Variants in ALPK1 observed in about 807,000 individuals in gnomAD.
ALPK1 encodes the protein alpha kinase 1.
In ALPK1, 110 loss-of-function variants were observed where a neutral mutation model predicts 120.6. The ratio of observed to expected loss-of-function variants is 0.91; its 90% confidence interval spans 0.78 to 1.07. The LOEUF is 1.07. Among genes scored for constraint, ALPK1 ranks in the 50% least tolerant of loss-of-function variants. The pLI is 0.00. For missense variants in ALPK1, 1,498 were observed against 1,483.9 expected (o/e 1.01, Z -0.16); for synonymous variants, 582 against 560.3 (o/e 1.04, Z -0.55).
intron 12 of ALPK1, among the ~76,000 whole-genome samples, chr4:112,435,821 C>G (rs1474755733): frequency 6.6e-6 from 1 of 152,146 alleles, no homozygotes; most frequent in Non-Finnish European, 1.5e-5. Flanking sequence ...AAAGCTACAC[C>G]CAGAAGGGAA....
rs528055771 is a variant in ALPK1 at position 112,350,619 on chromosome 4, C to T, written c.-100-27059C>T. Reference sequence around the variant, plus strand: ...ACTCTTGCTGAGTTTTTCTCCAGACCTCTGGTACCATTTAGTGGAAAGCAA... The same window carrying T: ...ACTCTTGCTGAGTTTTTCTCCAGACTTCTGGTACCATTTAGTGGAAAGCAA... On this transcript the variant is annotated intron_variant, in intron 2 of 15. Coordinates refer to ENST00000650871, the MANE Select transcript of ALPK1 (RefSeq NM_025144.4). Among the ~76,000 whole-genome samples, 293 of 152,228 alleles carry T rather than the reference C, an allele frequency of 1.9e-3. 1 individual carries two copies. Among genetic ancestry groups the T allele is most frequent in the South Asian group, 0.017 (83 of 4,828 alleles).
intron 3 of ALPK1, among the ~76,000 whole-genome samples, chr4:112,380,749 T>C (rs938640863): frequency 5.3e-5 from 8 of 152,232 alleles, no homozygotes; most frequent in African/African-American, 1.9e-4. Flanking sequence ...GAACCTTGTC[T>C]TTTAATCATA....
chr4:112,428,450 C>CT, intron 9 of ALPK1, among the ~76,000 whole-genome samples: 1 of 152,182 alleles, frequency 6.6e-6, no homozygotes, highest in Admixed American at 6.5e-5. Flanking sequence ...AGCAAAAGAA[C>CT]ACATACAGCT....
chr4:112,415,132 G>T (rs1448591637), intron 5 of ALPK1: 1 of 152,192 alleles, frequency 6.6e-6, no homozygotes, highest in East Asian at 1.9e-4. Flanking sequence ...TCTCAACTCT[G>T]TGCCGAATTT....
chr4:112,400,255 A>G (rs1250012417), intron 4 of ALPK1, among the ~76,000 whole-genome samples: 1 of 152,196 alleles, frequency 6.6e-6, no homozygotes, highest in Non-Finnish European at 1.5e-5. Context: ...GATATAATGT[A>G]AAGAAGGATG....
At position 112,359,944 on chromosome 4, in the gene ALPK1, G is replaced by T. The variant is rs142634775; in HGVS notation, c.-100-17734G>T. The stretch of plus-strand genomic sequence containing the variant: ...ACTTAAAATCTACTCTTAGCAATTT[G>T]CAAGCATACAATATAATTATTTTCA... On this transcript the variant is annotated intron_variant, in intron 2 of 15. Transcript: ENST00000650871. 4.2e-4 allele frequency: 71 copies of T among 169,408 alleles called. 1 individual carries two copies. In the East Asian group the frequency reaches 9.9e-3, roughly 24 times the overall value. 10.5% of individuals were successfully genotyped at this position (169,408 alleles called of 1,614,324 possible).
intron 4 of ALPK1, among the ~76,000 whole-genome samples, chr4:112,405,443 T>C (rs1733123549): frequency 6.6e-6 from 1 of 152,192 alleles, no homozygotes; most frequent in Non-Finnish European, 1.5e-5. Context: ...CTCTTTTTAT[T>C]TGGAATTTGT....
rs148854408 is a variant in ALPK1 at position 112,328,903 on chromosome 4, C to T, written c.-101+13051C>T. Among the ~76,000 whole-genome samples the T allele has an allele frequency of 2.6e-3, 402 of 152,262 alleles. 3 individuals carry two copies. The highest frequency in any genetic ancestry group is 9.0e-3 in the African/African-American group (375 of 41,548). ...CTTGTACTACATTATAAAGCAGGGT[C>T]ATTATCCCCAGAGAGCCTCGCAGCT... is the stretch of plus-strand genomic sequence containing the variant. On this transcript the variant is annotated intron_variant, in intron 2 of 15. Coordinates refer to ENST00000650871, the MANE Select transcript of ALPK1 (RefSeq NM_025144.4).
At chr4:112,404,749 G>C (rs1178544052) in intron 4 of ALPK1, among the ~76,000 whole-genome samples, 1 of 152,078 alleles carries the variant, frequency 6.6e-6, no homozygotes, top group Non-Finnish European at 1.5e-5. Context: ...TTACCTTCTT[G>C]GATTGTGAAC....
intron 3 of ALPK1, among the ~76,000 whole-genome samples, 165 bp from the exon 4 acceptor site, chr4:112,382,233 T>C (rs1421250784): frequency 6.6e-6 from 1 of 151,884 alleles, no homozygotes; most frequent in Non-Finnish European, 1.5e-5. Flanking sequence ...TGTTATTCTT[T>C]GAGTCAGAAC....
chr4:112,357,022 G>T lies in ALPK1; in HGVS notation c.-100-20656G>T, dbSNP rs1209475323. The T allele has an allele frequency of 4.5e-5, 36 of 797,838 alleles. 1 individual carries two copies. In the South Asian group the frequency reaches 5.1e-4, roughly 11 times the overall value. 49.4% of individuals were successfully genotyped at this position (797,838 alleles called of 1,614,324 possible). The stretch of plus-strand genomic sequence containing the variant: ...CACAGCAGGGCCAGCCCCAACCGGA[G>T]TTCAGCGCGGACCCCACCAGCTCAG... On this transcript the variant is annotated intron_variant, in intron 2 of 15. Transcript: ENST00000650871.
At chr4:112,368,527 G>A (rs575318375) in intron 2 of ALPK1, among the ~76,000 whole-genome samples, 5 of 152,074 alleles carry the variant, frequency 3.3e-5, no homozygotes, top group South Asian at 2.1e-4. Context: ...GAGCTCATGC[G>A]TCTTAGTATT....
chr4:112,353,868 C>CAAAT (rs150299871), intron 2 of ALPK1, among the ~76,000 whole-genome samples: 14,132 of 148,732 alleles, frequency 0.095, 734 homozygotes, highest in South Asian at 0.13. Context: ...GACTCTGTCT[C>CAAAT]AAATAAATAA....
At chr4:112,335,191 G>A (rs936701772) in intron 2 of ALPK1, among the ~76,000 whole-genome samples, 3 of 151,940 alleles carry the variant, frequency 2.0e-5, no homozygotes, top group South Asian at 2.1e-4. Context: ...GGCAGGCGGA[G>A]GTTGCGGTGA....
rs1560686443 is a variant in ALPK1, at chr4:112,431,228, G to A, written c.1681G>A (p.Asp561Asn). 1 of 1,614,194 alleles carries A rather than the reference G, an allele frequency of 6.2e-7. No homozygotes were observed. Among genetic ancestry groups the A allele is most frequent in the African/African-American group, 1.3e-5 (1 of 75,064 alleles). Reference sequence around the variant, plus strand: ...TGTGGAGACTGAGACTGAGCCATCGGACTACAGCAATGGTGAGGGAGCTGT... The same window carrying A: ...TGTGGAGACTGAGACTGAGCCATCGAACTACAGCAATGGTGAGGGAGCTGT... ...QDVETETEPS[D>N]YSNGEGAVFN... The change falls in exon 11 of 16, where the codon GAC becomes AAC. Residue 561 changes from aspartate to asparagine, a missense_variant. By Grantham distance (23) the Asp-to-Asn change is conservative. Coordinates refer to ENST00000650871, the MANE Select transcript of ALPK1 (RefSeq NM_025144.4).
intron 1 of ALPK1, among the ~76,000 whole-genome samples, chr4:112,297,885 A>G (rs994515809): frequency 1.6e-4 from 25 of 152,178 alleles, no homozygotes; most frequent in Admixed American, 2.0e-4. Flanking sequence ...CCTGGAATAC[A>G]TAGGTAATAA....
intron 2 of ALPK1, chr4:112,352,868 T>C (rs1201498891): frequency 6.6e-6 from 1 of 152,100 alleles, no homozygotes; most frequent in Non-Finnish European, 1.5e-5. Flanking sequence ...TGTATGAATG[T>C]ACTTCAATTT....
intron 4 of ALPK1, among the ~76,000 whole-genome samples, chr4:112,404,759 C>A (rs942275997): frequency 6.6e-6 from 1 of 152,152 alleles, no homozygotes; most frequent in Non-Finnish European, 1.5e-5. Flanking sequence ...GGATTGTGAA[C>A]ATTTTTGTGT....
At position 112,440,929 on chromosome 4, in the gene ALPK1, G is replaced by A; in HGVS notation, c.3551G>A (p.Gly1184Asp). 4 of 1,611,298 alleles carry A rather than the reference G, an allele frequency of 2.5e-6. No individual in the cohort carries two copies. The highest frequency in any genetic ancestry group is 3.4e-6 in the Non-Finnish European group (4 of 1,178,846). Residue 1184 changes from glycine to aspartate, a missense_variant, in exon 15 of 16, where the codon GGT becomes GAT. Gly to Asp is a moderately conservative substitution (Grantham distance 94, BLOSUM62 -1). Coordinates refer to ENST00000650871, the MANE Select transcript of ALPK1 (RefSeq NM_025144.4). Reference sequence around the variant, plus strand: ...ATTTCTCTTTTAGGTTGGGTAACCGGTAATGGAAAAGGACTCATCTACCTC... The same window carrying A: ...ATTTCTCTTTTAGGTTGGGTAACCGATAATGGAAAAGGACTCATCTACCTC... ...VVVDLQGWVT[G>D]NGKGLIYLTD...
Sources: allele counts gnomAD v4.1 joint callset (sites outside exome capture counted in the v4.1 genomes callset), GRCh38; gene constraint gnomAD v4.1.1; transcripts MANE v1.5; gene names NCBI Gene and HGNC (gene_info 2026-07-23, HGNC 2026-07-21).